The following COXFA4L2 variants were observed in gnomAD, a reference collection of about 807,000 sequenced individuals.
COXFA4L2 encodes the protein NADH dehydrogenase (ubiquinone) 1 alpha subcomplex, 4-like 2.
the COXFA4L2 span, chr12:57,236,283 C>T: frequency 5.0e-6 from 2 of 396,282 alleles, no homozygotes; most frequent in African/African-American, 2.1e-5. Context: ...AACCCCAGTG[C>T]TCTGGTGAGG....
the COXFA4L2 span, among the ~76,000 whole-genome samples, chr12:57,239,091 G>A: frequency 3.6e-4 from 55 of 152,352 alleles, no homozygotes; most frequent in African/African-American, 1.3e-3. This position sits in a 1 kb window ranked among gnomAD's most constrained non-coding sequence, Gnocchi z 5.5. Context: ...GGCACGGCCC[G>A]GGATCCCGCT....
chr12:57,235,610 C>T, the COXFA4L2 span: 2 of 1,614,030 alleles, frequency 1.2e-6, no homozygotes, highest in Admixed American at 1.7e-5. Context: ...TCAGTGGAAA[C>T]TGCAAGGAAC....
chr12:57,236,771 C>G, the COXFA4L2 span: 3 of 1,234,114 alleles, frequency 2.4e-6, no homozygotes, highest in South Asian at 3.0e-5. Context: ...CACCCCAACC[C>G]CACCCCGGGT....
chr12:57,240,628 G>A, the COXFA4L2 span: 1 of 978,528 alleles, frequency 1.0e-6, no homozygotes, highest in Non-Finnish European at 1.2e-6. Flanking sequence ...ACGCCGCCGC[G>A]CGGCTCACAC....
At chr12:57,235,754 A>G in the COXFA4L2 span, 2 of 1,593,738 alleles carry the variant, frequency 1.3e-6, no homozygotes, top group Non-Finnish European at 1.7e-6. Flanking sequence ...GGTACCTTGT[A>G]TTGGTCATTG....
At chr12:57,235,761 A>T in the COXFA4L2 span, 1 of 1,590,262 alleles carries the variant, frequency 6.3e-7, no homozygotes, top group East Asian at 2.3e-5. Flanking sequence ...TGTATTGGTC[A>T]TTGGGGCTCA....
chr12:57,240,582 C>G, the COXFA4L2 span: 3 of 793,926 alleles, frequency 3.8e-6, no homozygotes, highest in Admixed American at 6.2e-5. Context: ...CACACACACT[C>G]GCGCGCGCAC....
chr12:57,237,223 C>T, the COXFA4L2 span: 1 of 1,528,718 alleles, frequency 6.5e-7, no homozygotes, highest in Non-Finnish European at 8.8e-7. Flanking sequence ...TTGGACTCAC[C>T]CCACCCCAAC....
the COXFA4L2 span, chr12:57,235,436 C>T: frequency 2.9e-6 from 3 of 1,045,918 alleles, no homozygotes; most frequent in Non-Finnish European, 4.4e-6. Flanking sequence ...TGCGTGGGAA[C>T]CCGGCCTGTG....
At chr12:57,237,972 A>G in the COXFA4L2 span, 1 of 153,890 alleles carries the variant, frequency 6.5e-6, no homozygotes. Context: ...GTCCTCAACC[A>G]TCTCAGGTGT....
At chr12:57,237,195 GGCCCA>G in the COXFA4L2 span, 2 of 1,592,484 alleles carry the variant, frequency 1.3e-6, no homozygotes, top group South Asian at 2.2e-5. Context: ...AGCTTAGCTT[GGCCCA>G]GCCCGTGCTT....
At chr12:57,240,666 G>A in the COXFA4L2 span, 1 of 985,364 alleles carries the variant, frequency 1.0e-6, no homozygotes, top group Admixed American at 6.1e-5. Flanking sequence ...CACTGTCACT[G>A]AGACACACAT....
the COXFA4L2 span, chr12:57,235,445 T>C: frequency 8.0e-6 from 9 of 1,123,952 alleles, no homozygotes; most frequent in African/African-American, 1.4e-4. Flanking sequence ...ACCCGGCCTG[T>C]GTAAGCAGTA....
At chr12:57,240,577 A>T in the COXFA4L2 span, 1 of 732,776 alleles carries the variant, frequency 1.4e-6, no homozygotes, top group South Asian at 6.1e-5. Flanking sequence ...GCGCACACAC[A>T]CACTCGCGCG....
the COXFA4L2 span, among the ~76,000 whole-genome samples, chr12:57,238,407 T>TGG: frequency 9.5e-3 from 1,433 of 150,334 alleles, 27 homozygotes; most frequent in African/African-American, 0.034. This position sits in a 1 kb window ranked among gnomAD's most constrained non-coding sequence, Gnocchi z 6.8. Flanking sequence ...GCGATGTGTG[T>TGG]GGGGGGGGCG....
At chr12:57,238,310 C>A in the COXFA4L2 span, among the ~76,000 whole-genome samples, 1 of 152,114 alleles carries the variant, frequency 6.6e-6, no homozygotes, top group Non-Finnish European at 1.5e-5. The surrounding 1 kb of genome is among the most constrained non-coding windows in gnomAD (Gnocchi z 6.8). Context: ...AATTAGGCTG[C>A]GGGGTCCCGG....
At chr12:57,240,562 G>T in the COXFA4L2 span, 1 of 522,972 alleles carries the variant, frequency 1.9e-6, no homozygotes. Flanking sequence ...GACTCACCCC[G>T]GCGCGCGCAC....
the COXFA4L2 span, among the ~76,000 whole-genome samples, chr12:57,238,169 G>A: frequency 2.0e-5 from 3 of 152,234 alleles, no homozygotes; most frequent in East Asian, 5.8e-4. The surrounding 1 kb of genome is among the most constrained non-coding windows in gnomAD (Gnocchi z 6.8). Flanking sequence ...GAGGGCGCGG[G>A]CGGGAGCGAG....
the COXFA4L2 span, chr12:57,236,976 G>A: frequency 1.2e-6 from 2 of 1,608,388 alleles, no homozygotes; most frequent in African/African-American, 2.7e-5. Flanking sequence ...GATTTGGAGG[G>A]TGGGGCAGCA....
Sources: gnomAD v4.1 joint callset for allele counts (sites outside exome capture counted in the v4.1 genomes callset) on GRCh38, gnomAD v4.1.1 for gene constraint, Gnocchi (gnomAD v3.1) non-coding constraint, MANE v1.5 for transcripts, NCBI Gene and HGNC (gene_info 2026-07-23, HGNC 2026-07-21) for gene names.